Variants in HACD2 observed in about 807,000 individuals in gnomAD.
HACD2 encodes the protein very-long-chain (3R)-3-hydroxyacyl-CoA dehydratase 2.
Under a neutral mutation model 31.0 loss-of-function variants are expected in HACD2, and 15 were observed. The ratio of observed to expected loss-of-function variants is 0.48; its 90% confidence interval spans 0.32 to 0.75. HACD2 has a LOEUF of 0.75. Among genes scored for constraint, HACD2 ranks in the 30% least tolerant of loss-of-function variants. The probability of loss-of-function intolerance (pLI) is 0.03; values close to 1 mark genes in which losing one functional copy is unlikely to be tolerated. For synonymous variants in HACD2, 115 were observed against 122.2 expected (o/e 0.94, Z 0.39); for missense variants, 283 against 313.0 (o/e 0.90, Z 0.72).
intron 2 of HACD2, among the ~76,000 whole-genome samples, chr3:123,577,187 A>G (rs140988301): frequency 7.3e-4 from 111 of 152,346 alleles, no homozygotes; most frequent in African/African-American, 2.5e-3. Context: ...GCACAATGGT[A>G]GGTAAATGTC....
chr3:123,576,195 T>A, intron 2 of HACD2, among the ~76,000 whole-genome samples: 1 of 152,210 alleles, frequency 6.6e-6, no homozygotes, highest in East Asian at 1.9e-4. Context: ...ATCACCTATT[T>A]CTTGCACTGT....
Position 123,494,635 on chromosome 3 carries a change from C to A in HACD2, c.*253G>T. 1 of 496,610 alleles carries A rather than the reference C, an allele frequency of 2.0e-6. No homozygotes were observed. The highest frequency in any genetic ancestry group is 2.0e-5 in the African/African-American group (1 of 50,576). The allele number at this position is 496,610 out of a possible 1,614,324, so 30.8% of individuals were successfully genotyped here. A position where few individuals can be genotyped will look rare whatever the true frequency, so the allele number is the denominator to read the frequency against. ...AAAATGCCAAATCCCTTTCTAGTGC[C>A]ATCATAAATATTAAGAACTTCTGGT... On this transcript the variant is annotated 3_prime_UTR_variant, in exon 7 of 7. Transcript: ENST00000383657.
intron 2 of HACD2, among the ~76,000 whole-genome samples, chr3:123,571,470 C>G (rs77555421): frequency 0.015 from 2,260 of 152,262 alleles, 56 homozygotes; most frequent in African/African-American, 0.052. Context: ...ATTCAAAGAA[C>G]AAGAGGGATT....
chr3:123,562,868 C>T (rs375800876), intron 3 of HACD2, among the ~76,000 whole-genome samples: 1 of 151,986 alleles, frequency 6.6e-6, no homozygotes, highest in Non-Finnish European at 1.5e-5. Flanking sequence ...AGAATGCTAC[C>T]GAAAAATAAA....
At chr3:123,530,498 T>C (rs2056345055) in intron 3 of HACD2, among the ~76,000 whole-genome samples, 1 of 150,454 alleles carries the variant, frequency 6.6e-6, no homozygotes, top group African/African-American at 2.5e-5. Context: ...AACCTCCAAC[T>C]CCCTGGTTCA....
At chr3:123,500,447 AAG>A in intron 6 of HACD2, 66 bp downstream of exon 6, 3 of 988,012 alleles carry the variant, frequency 3.0e-6, no homozygotes, top group Non-Finnish European at 4.6e-6. Flanking sequence ...AAGACAGTCA[AAG>A]ATATTTAGTT....
intron 3 of HACD2, among the ~76,000 whole-genome samples, chr3:123,556,450 A>T (rs1435474975): frequency 6.6e-6 from 1 of 152,090 alleles, no homozygotes; most frequent in Non-Finnish European, 1.5e-5. Context: ...AAAAAAAAAA[A>T]AATGATATAC....
chr3:123,538,678 A>G (rs1489612337), intron 3 of HACD2, among the ~76,000 whole-genome samples: 1 of 152,194 alleles, frequency 6.6e-6, no homozygotes, highest in East Asian at 1.9e-4. Context: ...AACTCAACCA[A>G]AACAAAATGA....
chr3:123,565,326 C>T (rs576607029), intron 3 of HACD2, among the ~76,000 whole-genome samples: 2 of 152,212 alleles, frequency 1.3e-5, no homozygotes, highest in African/African-American at 4.8e-5. Context: ...TACGTCCCTC[C>T]AAAATTCCTA....
intron 3 of HACD2, among the ~76,000 whole-genome samples, chr3:123,565,193 G>A (rs986742142): frequency 3.9e-5 from 6 of 151,976 alleles, no homozygotes; most frequent in African/African-American, 1.5e-4. Context: ...CAGGTGTAGA[G>A]AAATTTTATA....
At chr3:123,569,174 T>C (rs2056826304) in intron 2 of HACD2, among the ~76,000 whole-genome samples, 1 of 152,136 alleles carries the variant, frequency 6.6e-6, no homozygotes, top group Admixed American at 6.5e-5. Flanking sequence ...ACAAAATAAT[T>C]ACCACATTGC....
chr3:123,528,262 C>A, intron 4 of HACD2, 124 bp downstream of exon 4: 1 of 660,382 alleles, frequency 1.5e-6, no homozygotes, highest in Non-Finnish European at 2.7e-6. Context: ...AGCTTTATCT[C>A]AGCTATATTG....
At chr3:123,521,101 CAG>C (rs1276019996) in intron 4 of HACD2, among the ~76,000 whole-genome samples, 1 of 152,070 alleles carries the variant, frequency 6.6e-6, no homozygotes, top group Admixed American at 6.6e-5. Flanking sequence ...TACCACCCGA[CAG>C]TATAGACACA....
intron 3 of HACD2, among the ~76,000 whole-genome samples, chr3:123,530,922 C>T (rs2056353050): frequency 6.6e-6 from 1 of 152,076 alleles, no homozygotes; most frequent in Non-Finnish European, 1.5e-5. Flanking sequence ...GGCTGGAGTG[C>T]AATGGCGCAA....
chr3:123,494,629 T>G lies in HACD2; in HGVS notation c.*259A>C. On this transcript the variant is annotated 3_prime_UTR_variant, in exon 7 of 7. Transcript: ENST00000383657. ...GGACATAAAATGCCAAATCCCTTTC[T>G]AGTGCCATCATAAATATTAAGAACT... is the stretch of plus-strand genomic sequence containing the variant. 1 of 488,318 alleles carries G rather than the reference T, an allele frequency of 2.0e-6. No individual in the cohort carries two copies. The highest frequency in any genetic ancestry group is 3.6e-6 in the Non-Finnish European group (1 of 276,366). 30.2% of individuals were successfully genotyped at this position (488,318 alleles called of 1,614,324 possible). A position where few individuals can be genotyped will look rare whatever the true frequency, so the allele number is the denominator to read the frequency against.
At chr3:123,555,586 T>C (rs1360604004) in intron 3 of HACD2, among the ~76,000 whole-genome samples, 1 of 152,198 alleles carries the variant, frequency 6.6e-6, no homozygotes, top group Non-Finnish European at 1.5e-5. Flanking sequence ...ATCAAAGATC[T>C]AAATAAGTGG....
At chr3:123,509,560 G>A (rs914694284) in intron 4 of HACD2, among the ~76,000 whole-genome samples, 44 of 148,536 alleles carry the variant, frequency 3.0e-4, no homozygotes, top group African/African-American at 9.4e-4. Context: ...GTGCAGTGGC[G>A]TGATCTCAGC....
intron 3 of HACD2, among the ~76,000 whole-genome samples, chr3:123,543,390 C>T (rs998764941): frequency 3.3e-5 from 5 of 151,784 alleles, no homozygotes; most frequent in African/African-American, 1.2e-4. Flanking sequence ...AACACATTAT[C>T]CTGAAAACTC....
intron 2 of HACD2, 39 bp downstream of exon 2, chr3:123,582,173 C>A (rs752116423): frequency 2.3e-6 from 3 of 1,303,382 alleles, no homozygotes; most frequent in Non-Finnish European, 3.2e-6. Context: ...TTCTTCATAC[C>A]AATGGAAATC....
Sources: gnomAD v4.1 joint callset for allele counts (sites outside exome capture counted in the v4.1 genomes callset) on GRCh38, gnomAD v4.1.1 for gene constraint, MANE v1.5 for transcripts, NCBI Gene and HGNC (gene_info 2026-07-23, HGNC 2026-07-21) for gene names.